DKK2: variants seen among roughly 807,000 people sequenced by gnomAD.
DKK2 encodes the protein dickkopf-related protein 2.
Under a neutral mutation model 28.1 loss-of-function variants are expected in DKK2, and 11 were observed. That is an observed-to-expected ratio of 0.39 (90% confidence interval 0.25 to 0.65). The LOEUF is 0.65. Ranked by LOEUF, DKK2 falls within the 30% of genes least tolerant of loss-of-function variation. DKK2 has a pLI of 0.47. For missense variants in DKK2, 326 were observed against 335.5 expected (o/e 0.97, Z 0.22); for synonymous variants, 135 against 126.5 (o/e 1.07, Z -0.45).
At chr4:106,925,490 C>A (rs1166488655) in intron 2 of DKK2, among the ~76,000 whole-genome samples, 2 of 152,164 alleles carry the variant, frequency 1.3e-5, no homozygotes, top group Non-Finnish European at 2.9e-5. Flanking sequence ...TATCAAGTTT[C>A]TTTCTTTGGT....
intron 1 of DKK2, among the ~76,000 whole-genome samples, chr4:107,017,269 C>G (rs1723623252): frequency 6.6e-6 from 1 of 151,912 alleles, no homozygotes; most frequent in East Asian, 1.9e-4. Flanking sequence ...AGATTAATGG[C>G]AAAGGTTGAA....
At chr4:107,021,523 C>T (rs1723690990) in intron 1 of DKK2, among the ~76,000 whole-genome samples, 1 of 152,044 alleles carries the variant, frequency 6.6e-6, no homozygotes, top group Non-Finnish European at 1.5e-5. Flanking sequence ...TATTTCAGCA[C>T]ATTTTCTGTT....
At chr4:106,961,650 G>T (rs1430360780) in intron 1 of DKK2, among the ~76,000 whole-genome samples, 1 of 151,336 alleles carries the variant, frequency 6.6e-6, no homozygotes, top group Non-Finnish European at 1.5e-5. Flanking sequence ...ATGGTTTTAT[G>T]GTCTTTCTCT....
At chr4:107,000,930 G>GT (rs1560589439) in intron 1 of DKK2, among the ~76,000 whole-genome samples, 1 of 151,948 alleles carries the variant, frequency 6.6e-6, no homozygotes, top group African/African-American at 2.4e-5. Flanking sequence ...TGTACTAACC[G>GT]TAACAGGTTC....
intron 1 of DKK2, among the ~76,000 whole-genome samples, chr4:107,031,392 T>C (rs1723872702): frequency 6.6e-6 from 1 of 152,002 alleles, no homozygotes; most frequent in African/African-American, 2.4e-5. Context: ...TGAATGTTTG[T>C]GCATACAGAT....
intron 1 of DKK2, among the ~76,000 whole-genome samples, chr4:106,961,143 T>C (rs887336425): frequency 6.6e-6 from 1 of 152,148 alleles, no homozygotes; most frequent in Non-Finnish European, 1.5e-5. Context: ...AGAATGCTTA[T>C]ATTAATATTA....
In DKK2 at chr4:106,937,395, T is replaced by C. The variant is rs142510067; in HGVS notation, c.223-11446A>G. Among the ~76,000 whole-genome samples the C allele has an allele frequency of 3.3e-3, 437 of 132,154 alleles. 1 individual carries two copies. Among genetic ancestry groups the C allele is most frequent in the Non-Finnish European group, 5.7e-3 (354 of 61,942 alleles). 86.7% of individuals were successfully genotyped at this position (132,154 alleles called of 152,430 possible). On this transcript the variant is annotated intron_variant, in intron 1 of 3. Coordinates refer to ENST00000285311, the MANE Select transcript of DKK2 (RefSeq NM_014421.3). ...AGGCCATTACATAATGGTAAAGGGATCAATTCAACAAGAAGAGCTAACTAT... is the reference window on the plus strand; with the variant it reads ...AGGCCATTACATAATGGTAAAGGGACCAATTCAACAAGAAGAGCTAACTAT...
intron 1 of DKK2, among the ~76,000 whole-genome samples, chr4:107,023,352 T>G (rs2187354): frequency 0.2 from 30,095 of 152,000 alleles, 3,713 homozygotes; most frequent in East Asian, 0.53. Context: ...TGGAAGAATC[T>G]TAAATATATA....
chr4:107,028,940 G>T (rs1001514148), intron 1 of DKK2, among the ~76,000 whole-genome samples: 3 of 152,132 alleles, frequency 2.0e-5, no homozygotes, highest in African/African-American at 7.2e-5. Context: ...TTATGCAACA[G>T]AATCTACTTT....
chr4:106,986,540 A>G lies in DKK2; in HGVS notation c.222+48830T>C, dbSNP rs149710886. ...CTTAATGTTCTTTAAAAAGCTACAA[A>G]TTTTAATGCAGATTGGCAATCATAG... On this transcript the variant is annotated intron_variant, in intron 1 of 3. Transcript: ENST00000285311. 1.6e-4 allele frequency among the ~76,000 whole-genome samples: 24 copies of G among 152,332 alleles called. 1 individual carries two copies. The East Asian group carries it at 4.2e-3, about 27-fold the overall frequency.
At position 106,934,247 on chromosome 4, in the gene DKK2, A is replaced by G. The variant is rs182328141; in HGVS notation, c.223-8298T>C. Among the ~76,000 whole-genome samples, 21 of 152,300 alleles carry G rather than the reference A, an allele frequency of 1.4e-4. 1 individual carries two copies. In the East Asian group the frequency reaches 4.1e-3, roughly 29 times the overall value. ...CTCTTTTAAACATTTTGTAATCTGC[A>G]CTAGATGCAAGTATTACCTATTAAA... On this transcript the variant is annotated intron_variant, in intron 1 of 3. Transcript: ENST00000285311.
intron 1 of DKK2, among the ~76,000 whole-genome samples, chr4:106,987,830 C>A (rs1035929358): frequency 4.0e-5 from 6 of 151,510 alleles, no homozygotes; most frequent in Admixed American, 1.3e-4. Flanking sequence ...GTTTCTTGCA[C>A]CTGAAAAACC....
intron 1 of DKK2, among the ~76,000 whole-genome samples, chr4:106,999,282 A>G (rs1030773947): frequency 2.6e-5 from 4 of 152,238 alleles, no homozygotes; most frequent in Non-Finnish European, 4.4e-5. Flanking sequence ...ACCCTACTTC[A>G]TAAATAAAAT....
At chr4:106,976,670 A>T (rs1002831249) in intron 1 of DKK2, among the ~76,000 whole-genome samples, 3 of 152,058 alleles carry the variant, frequency 2.0e-5, no homozygotes, top group Non-Finnish European at 4.4e-5. Context: ...ACAGCACACC[A>T]ATGGGTTTTG....
At chr4:106,954,949 G>A (rs1349483839) in intron 1 of DKK2, among the ~76,000 whole-genome samples, 1 of 152,178 alleles carries the variant, frequency 6.6e-6, no homozygotes, top group African/African-American at 2.4e-5. Flanking sequence ...TCTGAATAAT[G>A]TACAGGGGTT....
intron 1 of DKK2, among the ~76,000 whole-genome samples, chr4:106,957,421 A>G (rs1354812924): frequency 6.6e-6 from 1 of 152,150 alleles, no homozygotes; most frequent in Non-Finnish European, 1.5e-5. Context: ...CCAAAGGATT[A>G]TAAATCATGC....
intron 1 of DKK2, among the ~76,000 whole-genome samples, chr4:107,019,551 T>C (rs184257460): frequency 1.5e-3 from 223 of 152,194 alleles, no homozygotes; most frequent in African/African-American, 4.9e-3. Context: ...CAAGAATGTA[T>C]TTCTCAAATA....
chr4:106,937,785 AT>A (rs1724620409), intron 1 of DKK2, among the ~76,000 whole-genome samples: 1 of 150,878 alleles, frequency 6.6e-6, no homozygotes, highest in South Asian at 2.1e-4. Context: ...CCACAGTGCA[AT>A]CAAACTAGAA....
chr4:106,932,385 G>A (rs1020960514), intron 1 of DKK2, among the ~76,000 whole-genome samples: 1 of 152,098 alleles, frequency 6.6e-6, no homozygotes, highest in Non-Finnish European at 1.5e-5. Flanking sequence ...GCTCCTCCCT[G>A]TTCTCTGCAT....
Sources: gnomAD v4.1 joint callset for allele counts (sites outside exome capture counted in the v4.1 genomes callset) on GRCh38, gnomAD v4.1.1 for gene constraint, MANE v1.5 for transcripts, NCBI Gene and HGNC (gene_info 2026-07-23, HGNC 2026-07-21) for gene names.